The following COL6A5 variants were observed in gnomAD, a reference collection of about 807,000 sequenced individuals.
COL6A5 encodes collagen type VI alpha 5 chain.
In COL6A5, 48 loss-of-function variants were observed where a neutral mutation model predicts 65.6. The observed-to-expected ratio is 0.73, with a 90% confidence interval of 0.58 to 0.93. COL6A5 has a LOEUF of 0.93. Ranked by LOEUF, COL6A5 falls within the 40% of genes least tolerant of loss-of-function variation. The pLI is 0.00. For missense variants in COL6A5, 914 were observed against 928.3 expected (o/e 0.98, Z 0.20); for synonymous variants, 291 against 322.8 (o/e 0.90, Z 1.05).
intron 5 of COL6A5, among the ~76,000 whole-genome samples, chr3:130,463,518 G>A (rs1301375057): frequency 6.6e-6 from 1 of 151,986 alleles, no homozygotes; most frequent in Non-Finnish European, 1.5e-5. Context: ...TGGTGTTGTG[G>A]CTTAAGTCAT....
exon 24 of COL6A5, chr3:130,416,765 T>A: frequency 3.3e-6 from 5 of 1,533,216 alleles, no homozygotes; most frequent in Non-Finnish European, 4.4e-6. Flanking sequence ...AGGGTTCTCC[T>A]GGGCTAATGG....
intron 7 of COL6A5, among the ~76,000 whole-genome samples, chr3:130,480,565 C>G (rs929602324): frequency 2.0e-5 from 3 of 151,964 alleles, no homozygotes; most frequent in South Asian, 2.1e-4. Context: ...TAATGGTGGA[C>G]TCTGTTGGAT....
At chr3:130,450,494 C>G (rs1263805654) in intron 4 of COL6A5, among the ~76,000 whole-genome samples, 1 of 152,074 alleles carries the variant, frequency 6.6e-6, no homozygotes, top group Non-Finnish European at 1.5e-5. Context: ...CTTCATGGCC[C>G]GTGCCCACAG....
chr3:130,468,169 A>T (rs1709861371), intron 5 of COL6A5, among the ~76,000 whole-genome samples: 1 of 152,048 alleles, frequency 6.6e-6, no homozygotes. Flanking sequence ...AATTTAGTTG[A>T]CTTACATCAT....
intron 7 of COL6A5, among the ~76,000 whole-genome samples, chr3:130,394,557 G>A (rs2107656475): frequency 6.6e-6 from 1 of 152,170 alleles, no homozygotes; most frequent in East Asian, 1.9e-4. Context: ...TCCCAATCGT[G>A]GTGTTTTGAA....
intron 7 of COL6A5, 107 bp downstream of exon 39, chr3:130,471,074 TTGTGTGTG>T (rs34150957): frequency 3.2e-4 from 178 of 553,502 alleles, no homozygotes; most frequent in African/African-American, 1.4e-3. Flanking sequence ...GTGTGTGTTT[TTGTGTGTG>T]TGTGTGTGTG....
chr3:130,401,125 T>C (rs987189916), exon 11 of COL6A5: 1 of 1,550,404 alleles, frequency 6.4e-7, no homozygotes, highest in African/African-American at 1.4e-5. Context: ...ACAGGACTCA[T>C]CTGACTATTG....
intron 1 of COL6A5, among the ~76,000 whole-genome samples, chr3:130,358,954 A>T (rs1935016421): frequency 6.6e-6 from 1 of 152,216 alleles, no homozygotes; most frequent in South Asian, 2.1e-4. Flanking sequence ...TTAAATAAAC[A>T]TTGATATAAA....
chr3:130,428,809 T>C (rs1937671607), upstream of COL6A5, among the ~76,000 whole-genome samples: 1 of 152,202 alleles, frequency 6.6e-6, no homozygotes, highest in South Asian at 2.1e-4. Flanking sequence ...CAAGGGTGGA[T>C]GGCAGAGGAC....
chr3:130,480,490 A>T (rs2935464), intron 7 of COL6A5, among the ~76,000 whole-genome samples: 1 of 151,866 alleles, frequency 6.6e-6, no homozygotes, highest in Admixed American at 6.6e-5. Context: ...ATTTAAGGAG[A>T]GAAATGAACA....
rs577504037 is a variant in COL6A5, at chr3:130,435,911, C to A, written c.488-3611C>A. ...CAACTTGACTTCCTCTCTTCCTATTCGAATATCCTTTATTTCTTTCTCTTG... is the reference window on the plus strand; with the variant it reads ...CAACTTGACTTCCTCTCTTCCTATTAGAATATCCTTTATTTCTTTCTCTTG... On this transcript the variant is annotated intron_variant, in intron 1 of 7. Coordinates refer to ENST00000512836, the Ensembl canonical transcript of COL6A5. Among the ~76,000 whole-genome samples the A allele has an allele frequency of 2.0e-5, 3 of 152,060 alleles. No homozygotes were observed. In the South Asian group the frequency reaches 6.2e-4, roughly 32 times the overall value.
At chr3:130,363,581 T>C (rs770399919) in intron 1 of COL6A5, among the ~76,000 whole-genome samples, 5 of 152,222 alleles carry the variant, frequency 3.3e-5, no homozygotes, top group Non-Finnish European at 7.3e-5. Context: ...TGAAATAGTT[T>C]CTCTTGAGAA....
intron 1 of COL6A5, among the ~76,000 whole-genome samples, chr3:130,362,326 A>T (rs1325152782): frequency 0.014 from 65 of 4,598 alleles, no homozygotes; most frequent in African/African-American, 0.029. Flanking sequence ...ATATATATAT[A>T]TTTTTTTTTT....
intron 1 of COL6A5, among the ~76,000 whole-genome samples, chr3:130,364,874 G>A (rs2072712825): frequency 6.6e-6 from 1 of 152,154 alleles, no homozygotes; most frequent in Admixed American, 6.5e-5. Flanking sequence ...GATTCTTTTT[G>A]CTCATGTATT....
upstream of COL6A5, among the ~76,000 whole-genome samples, chr3:130,429,869 T>C (rs1465862865): frequency 6.6e-6 from 1 of 152,208 alleles, no homozygotes; most frequent in African/African-American, 2.4e-5. Context: ...CATGGCTCTC[T>C]GACTAATCCA....
At chr3:130,409,814 A>G (rs1253418098) in intron 18 of COL6A5, among the ~76,000 whole-genome samples, 195 bp from the exon 19 acceptor site, 1 of 152,132 alleles carries the variant, frequency 6.6e-6, no homozygotes, top group Non-Finnish European at 1.5e-5. Context: ...TTCTTTATTT[A>G]TTGCCAAATC....
At chr3:130,472,180 G>T (rs1162958330) in intron 7 of COL6A5, among the ~76,000 whole-genome samples, 1 of 152,030 alleles carries the variant, frequency 6.6e-6, no homozygotes. Context: ...AGTTGGAGGG[G>T]CAAGAACAAG....
chr3:130,483,296 A>G (rs1302334755), intron 7 of COL6A5, among the ~76,000 whole-genome samples: 6 of 152,208 alleles, frequency 3.9e-5, no homozygotes, highest in Non-Finnish European at 8.8e-5. Flanking sequence ...GACCATCGAC[A>G]CTATGAAGAA....
At chr3:130,484,344 T>C (rs191295312) in exon 8 of COL6A5, 143 of 410,506 alleles carry the variant, frequency 3.5e-4, no homozygotes, top group Non-Finnish European at 5.5e-4. Flanking sequence ...CTCTGCACAG[T>C]TCAGGCATCA....
Sources: allele counts gnomAD v4.1 joint callset (sites outside exome capture counted in the v4.1 genomes callset), GRCh38; gene constraint gnomAD v4.1.1; transcripts MANE v1.5; gene names NCBI Gene and HGNC (gene_info 2026-07-23, HGNC 2026-07-21).